GMPPA: variants seen among roughly 807,000 people sequenced by gnomAD.
The protein encoded by GMPPA is mannose-1-phosphate guanylyltransferase regulatory subunit alpha.
Under a neutral mutation model 58.6 loss-of-function variants are expected in GMPPA, and 46 were observed. The ratio of observed to expected loss-of-function variants is 0.78; its 90% CI spans 0.62 to 1.00. GMPPA has a LOEUF of 1.00. GMPPA is among the 50% of genes least tolerant of loss of function. The probability of loss-of-function intolerance (pLI) is 0.00; values close to 1 mark genes in which losing one functional copy is unlikely to be tolerated. For missense variants in GMPPA, 468 were observed against 556.4 expected, an observed-to-expected ratio of 0.84 and a Z score of 1.60; for synonymous variants, 211 against 214.9, an observed-to-expected ratio of 0.98 and a Z score of 0.16.
chr2:219,504,133 C>T lies in GMPPA; in HGVS notation c.540C>T (p.Asn180=). 1 of 1,613,816 alleles carries T rather than the reference C, an allele frequency of 6.2e-7. No individual in the cohort carries two copies. The highest frequency in any genetic ancestry group is 8.5e-7 in the Non-Finnish European group (1 of 1,179,710). ...KPSTFISDII[N]CGIYLFSPEA... ...GCACATTTATCAGTGACATCATCAA[C>T]TGCGGCATCTACCTCTTTTCTCCTG... Residue 180 remains asparagine (N), a synonymous_variant, in exon 7 of 13, where the codon AAC becomes AAT. Coordinates refer to ENST00000313597, the MANE Select transcript of GMPPA (RefSeq NM_013335.4).
chr2:219,502,111 G>A lies in GMPPA; in HGVS notation c.429+74G>A. On this transcript the variant is annotated intron_variant, in intron 5 of 12. Coordinates refer to ENST00000313597, the MANE Select transcript of GMPPA (RefSeq NM_013335.4). This position sits in a 1 kb window ranked among gnomAD's most constrained non-coding sequence, Gnocchi z 4.0. ...GCTTCCCGGAATTCAGGGTGTTGGG[G>A]AGGCAGGGGCGCCCCGGGAGTTGGT... is the stretch of plus-strand genomic sequence containing the variant. The A allele has an allele frequency of 6.7e-7, 1 of 1,491,678 alleles. No homozygotes were observed. The allele number at this position is 1,491,678 out of a possible 1,614,324, so 92.4% of individuals were successfully genotyped here.
In GMPPA at chr2:219,506,035, T is replaced by C; in HGVS notation, c.956T>C (p.Leu319Pro). The C allele has an allele frequency of 6.3e-7, 1 of 1,595,748 alleles. No individual in the cohort carries two copies. Among genetic ancestry groups the C allele is most frequent in the Non-Finnish European group, 8.6e-7 (1 of 1,169,032 alleles). ...KGVTVGEGVR[L>P]RESIVLHGAT... ...GTGACCGTGGGTGAGGGTGTGCGGC[T>C]CCGGGAGAGCATCGTCCTCCATGGA... Residue 319 changes from leucine (L) to proline (P), a missense_variant, in exon 11 of 13, where the codon CTC becomes CCC. Coordinates refer to ENST00000313597, the MANE Select transcript of GMPPA (RefSeq NM_013335.4).
chr2:219,500,293 A>G, intron 3 of GMPPA, 75 bp downstream of exon 3: 1 of 825,184 alleles, frequency 1.2e-6, no homozygotes, highest in Non-Finnish European at 2.1e-6. Flanking sequence ...CCCAACCATG[A>G]ACTCTTCCCA....
Position 219,506,818 on chromosome 2 carries a change from C to A in GMPPA, c.*20C>A. Reference sequence around the variant, plus strand: ...CTCTGAGTAGGGCTGCCAGAAGGCCCCCAGCTCCTACCCACTCCCCTTGAG... The same window carrying A: ...CTCTGAGTAGGGCTGCCAGAAGGCCACCAGCTCCTACCCACTCCCCTTGAG... On this transcript the variant is annotated 3_prime_UTR_variant, in exon 13 of 13. Coordinates refer to ENST00000313597, the MANE Select transcript of GMPPA (RefSeq NM_013335.4). 1 of 1,167,158 alleles carries A rather than the reference C, an allele frequency of 8.6e-7. No individual in the cohort carries two copies. The highest frequency in any genetic ancestry group is 1.3e-6 in the Non-Finnish European group (1 of 772,634). The allele number at this position is 1,167,158 out of a possible 1,614,324, so 72.3% of individuals were successfully genotyped here. A position where few individuals can be genotyped will look rare whatever the true frequency, so the allele number is the denominator to read the frequency against.
Position 219,502,389 on chromosome 2 carries a change from G to A in GMPPA, c.437G>A (p.Arg146Lys). The change falls in exon 6 of 13, where the codon AGG becomes AAG. Residue 146 changes from arginine (R) to lysine (K), a missense_variant. Transcript: ENST00000313597. The surrounding 1 kb of genome is among the most constrained non-coding windows in gnomAD (Gnocchi z 4.0). ...PFLLLGTTAN[R>K]TQSLNYGCIV... ...GGTGTGTCTGTCTTTCAGGCTAACA[G>A]GACGCAATCCCTCAACTACGGCTGC... 6.2e-7 allele frequency: 1 copy of A among 1,613,956 alleles called. No homozygotes were observed. Among genetic ancestry groups the A allele is most frequent in the Non-Finnish European group, 8.5e-7 (1 of 1,179,858 alleles).
Position 219,500,346 on chromosome 2 carries a change from G to C in GMPPA, c.138+128G>C. On this transcript the variant is annotated intron_variant, in intron 3 of 12. Transcript: ENST00000313597. ...GACCATCATTCACAGATGACAATGT[G>C]AATGGCGCCCCCTCAAGTTATGCTG... 10 of 675,406 alleles carry C rather than the reference G, an allele frequency of 1.5e-5. No homozygotes were observed. The South Asian group carries it at 1.6e-4, about 11-fold the overall frequency. 41.8% of individuals were successfully genotyped at this position (675,406 alleles called of 1,614,324 possible).
At chr2:219,506,133 C>A in intron 11 of GMPPA, 61 bp downstream of exon 11, 1 of 1,455,988 alleles carries the variant, frequency 6.9e-7, no homozygotes, top group Non-Finnish European at 9.4e-7. Flanking sequence ...AGGGCCCAGG[C>A]ATCCCCCCAA....
intron 3 of GMPPA, 127 bp from the exon 4 acceptor site, chr2:219,501,349 G>A (rs1301110314): frequency 1.5e-6 from 1 of 678,450 alleles, no homozygotes; most frequent in Non-Finnish European, 2.7e-6. Context: ...GCCCAGAGTG[G>A]TGAGTGCCCT....
chr2:219,506,472 AGTGG>A, intron 12 of GMPPA, 50 bp downstream of exon 12: 1 of 1,548,254 alleles, frequency 6.5e-7, no homozygotes, highest in Non-Finnish European at 8.8e-7. Flanking sequence ...GCTGATGGCC[AGTGG>A]CCCCGGGGAG....
At chr2:219,505,041 G>A (rs910096373) in intron 7 of GMPPA, 187 bp from the exon 8 acceptor site, 27 of 829,746 alleles carry the variant, frequency 3.3e-5, no homozygotes, top group African/African-American at 1.7e-4. Context: ...CCACCCAAGT[G>A]GGGGCTGGGT....
chr2:219,501,974 C>G lies in GMPPA; in HGVS notation c.366C>G (p.Pro122=), dbSNP rs186735505. The change falls in exon 5 of 13, where the codon CCC becomes CCG. Residue 122 remains proline (P), a synonymous_variant. Coordinates refer to ENST00000313597, the MANE Select transcript of GMPPA (RefSeq NM_013335.4). The stretch of plus-strand genomic sequence containing the variant: ...ATGCTGATGTCTGCTCCGACTTCCC[C>G]TTGAGTGCTATGTTGGAAGCCCACC... The part of the protein sequence containing the change: ...VLNADVCSDF[P]LSAMLEAHRR... 310 of 1,614,208 alleles carry G rather than the reference C, an allele frequency of 1.9e-4. 1 individual carries two copies. The East Asian group carries it at 6.6e-3, about 34-fold the overall frequency.
chr2:219,501,778 C>A, intron 4 of GMPPA, 73 bp from the exon 5 acceptor site: 3 of 1,366,032 alleles, frequency 2.2e-6, no homozygotes, highest in Non-Finnish European at 2.1e-6. Context: ...CAAGCGGTGG[C>A]GGTCAGGTGC....
At position 219,506,978 on chromosome 2, in the gene GMPPA, G is replaced by A. The variant is rs571960513; in HGVS notation, c.*180G>A. The stretch of plus-strand genomic sequence containing the variant: ...CCCTCCCGACTCCCTAATAAACCCC[G>A]TGAACCTTGGAGCCAGCACAGACTG... On this transcript the variant is annotated 3_prime_UTR_variant, in exon 13 of 13. Coordinates refer to ENST00000313597, the MANE Select transcript of GMPPA (RefSeq NM_013335.4). 3 of 603,640 alleles carry A rather than the reference G, an allele frequency of 5.0e-6. No homozygotes were observed. Among genetic ancestry groups the A allele is most frequent in the Admixed American group, 2.8e-5 (1 of 35,626 alleles). The allele number at this position is 603,640 out of a possible 1,614,324, so 37.4% of individuals were successfully genotyped here. A position where few individuals can be genotyped will look rare whatever the true frequency, so the allele number is the denominator to read the frequency against.
intron 9 of GMPPA, 53 bp downstream of exon 9, chr2:219,505,608 AC>A (rs1694555065): frequency 1.3e-6 from 2 of 1,577,298 alleles, no homozygotes; most frequent in South Asian, 2.3e-5. Context: ...AGCCCTCTGA[AC>A]CAGGATTCTT....
At chr2:219,504,550 A>G (rs1349606659) in intron 7 of GMPPA, 4 of 346,558 alleles carry the variant, frequency 1.2e-5, no homozygotes, top group Non-Finnish European at 2.1e-5. Flanking sequence ...GTGCACGTGC[A>G]CACACAGACA....
chr2:219,505,375 G>A lies in GMPPA; in HGVS notation c.755+13G>A, dbSNP rs1673977916. ...TCAAGTCCGCAGGGTATGGAAGGCT[G>A]GGTCCCCTGGGGATTGAAATTTTGG... On this transcript the variant is annotated intron_variant, in intron 8 of 12. Coordinates refer to ENST00000313597, the MANE Select transcript of GMPPA (RefSeq NM_013335.4). 1 of 1,612,704 alleles carries A rather than the reference G, an allele frequency of 6.2e-7. No individual in the cohort carries two copies. The highest frequency in any genetic ancestry group is 1.3e-5 in the African/African-American group (1 of 74,906).
Position 219,506,414 on chromosome 2 carries a change from C to G in GMPPA, c.1154C>G (p.Thr385Ser). The change falls in exon 12 of 13, where the codon ACC becomes AGC. Residue 385 changes from threonine to serine, a missense_variant. Coordinates refer to ENST00000313597, the MANE Select transcript of GMPPA (RefSeq NM_013335.4). ...FKDGKLLPAI[T>S]ILGCRVRIPA... ...GACGGGAAGCTGCTGCCTGCTATCA[C>G]CATCCTGGGTATGGCTTCCTGGGGG... 6.2e-7 allele frequency: 1 copy of G among 1,611,998 alleles called. No individual in the cohort carries two copies. Among genetic ancestry groups the G allele is most frequent in the South Asian group, 1.1e-5 (1 of 90,944 alleles).
rs147432581 is a variant in GMPPA at position 219,506,292 on chromosome 2, G to A, written c.1032G>A (p.Gly344=). Reference sequence around the variant, plus strand: ...TTCTGCATAGCATCGTGGGCTGGGGGAGCACCGTGGGACGCTGGGCCCGCG... The same window carrying A: ...TTCTGCATAGCATCGTGGGCTGGGGAAGCACCGTGGGACGCTGGGCCCGCG... ...TCVLHSIVGW[G]STVGRWARVE... is the part of the protein sequence containing the mutation. Residue 344 remains glycine, a synonymous_variant, in exon 12 of 13, where the codon GGG becomes GGA. Coordinates refer to ENST00000313597, the MANE Select transcript of GMPPA (RefSeq NM_013335.4). 18 of 1,613,700 alleles carry A rather than the reference G, an allele frequency of 1.1e-5. No individual in the cohort carries two copies. Among genetic ancestry groups the A allele is most frequent in the South Asian group, 1.1e-4 (10 of 91,068 alleles).
At position 219,505,545 on chromosome 2, in the gene GMPPA, A is replaced by G; in HGVS notation, c.843A>G (p.Pro281=). 6.4e-7 allele frequency: 1 copy of G among 1,566,564 alleles called. No homozygotes were observed. Among genetic ancestry groups the G allele is most frequent in the East Asian group, 2.4e-5 (1 of 42,262 alleles). Residue 281 remains proline (P), a synonymous_variant, in exon 9 of 13, where the codon CCA becomes CCG. Transcript: ENST00000313597. ...ERLAKHTPGG[P]WIRGNVYIHP... ...TGGCCAAGCACACCCCAGGGGGCCC[A>G]TGGATCCGAGGTACCCAGCCTGCCC...
Sources: allele counts gnomAD v4.1 joint callset, GRCh38; gene constraint gnomAD v4.1.1; non-coding constraint Gnocchi (gnomAD v3.1); transcripts MANE v1.5; gene names NCBI Gene and HGNC (gene_info 2026-07-23, HGNC 2026-07-21).